Variants in GYG1 observed in about 807,000 individuals in gnomAD.
GYG1 encodes glycogenin-1.
A neutral mutation model predicts 41.9 loss-of-function variants in GYG1; 44 were observed. The observed-to-expected ratio is 1.05, with a 90% confidence interval of 0.83 to 1.35. The LOEUF is 1.35. Among genes scored for constraint, GYG1 ranks in the 40% most tolerant of loss-of-function variants. The pLI is 0.00. For missense variants in GYG1, 429 were observed against 418.9 expected (o/e 1.02, Z -0.21); for synonymous variants, 141 against 158.1 (o/e 0.89, Z 0.81).
rs1714995774 is a variant in GYG1, at chr3:149,031,115, AC to A, written c.*4185del. 1 of 152,188 alleles carries A rather than the reference AC, an allele frequency of 6.6e-6. No homozygotes were observed. The highest frequency in any genetic ancestry group is 2.4e-5 in the African/African-American group (1 of 41,432). 9.4% of individuals were successfully genotyped at this position (152,188 alleles called of 1,614,324 possible). On this transcript the variant is annotated 3_prime_UTR_variant, in exon 8 of 8. Coordinates refer to ENST00000345003, the MANE Select transcript of GYG1 (RefSeq NM_004130.4). Reference sequence around the variant, plus strand: ...TTGTTTTAAATATGCTCAGGAGTCAACCCAAATTCTGCAGCAAATAAGTTTG... The same window carrying A: ...TTGTTTTAAATATGCTCAGGAGTCAACCAAATTCTGCAGCAAATAAGTTTG...
chr3:149,016,523 G>C (rs1245968896), intron 5 of GYG1, among the ~76,000 whole-genome samples: 1 of 152,130 alleles, frequency 6.6e-6, no homozygotes, highest in East Asian at 1.9e-4. Flanking sequence ...TAATGTTGTT[G>C]ACTAGGTCCT....
intron 5 of GYG1, among the ~76,000 whole-genome samples, chr3:149,023,539 G>A (rs1390220891): frequency 1.2e-4 from 18 of 152,186 alleles, no homozygotes; most frequent in Admixed American, 1.2e-3. Flanking sequence ...TACTTTCCAA[G>A]TGGTGTGCCT....
chr3:149,017,534 T>C (rs1174068333), intron 5 of GYG1, among the ~76,000 whole-genome samples: 1 of 151,592 alleles, frequency 6.6e-6, no homozygotes, highest in Non-Finnish European at 1.5e-5. Flanking sequence ...CCCCTTCTTA[T>C]TCATTGGTGA....
At chr3:149,014,573 T>A (rs1036505887) in intron 5 of GYG1, among the ~76,000 whole-genome samples, 1 of 150,722 alleles carries the variant, frequency 6.6e-6, no homozygotes, top group African/African-American at 2.4e-5. Context: ...GGAGGGTGGA[T>A]CTCTTGAGCC....
intron 5 of GYG1, among the ~76,000 whole-genome samples, chr3:149,015,816 A>G (rs1458075816): frequency 2.0e-5 from 3 of 152,098 alleles, no homozygotes; most frequent in Non-Finnish European, 4.4e-5. Context: ...TTGTGTAAAG[A>G]TAGATGTCAC....
At chr3:149,025,096 C>CTT (rs1353473121) in intron 6 of GYG1, among the ~76,000 whole-genome samples, 1 of 152,184 alleles carries the variant, frequency 6.6e-6, no homozygotes, top group African/African-American at 2.4e-5. Flanking sequence ...GGGAGAAAAA[C>CTT]TAACACTTGC....
intron 4 of GYG1, chr3:149,008,386 C>T (rs1002282813): frequency 6.6e-6 from 1 of 152,544 alleles, no homozygotes; most frequent in Non-Finnish European, 1.5e-5. Context: ...CTCAGGCCAC[C>T]TTCCAGGCCT....
intron 6 of GYG1, 63 bp downstream of exon 6, chr3:149,024,335 A>G: frequency 1.0e-6 from 1 of 984,950 alleles, no homozygotes; most frequent in Middle Eastern, 2.1e-4. Flanking sequence ...TGTTGTATCA[A>G]TAGAGATGTG....
intron 5 of GYG1, 56 bp downstream of exon 5, chr3:149,009,458 G>A (rs1459345518): frequency 6.4e-7 from 1 of 1,558,790 alleles, no homozygotes; most frequent in Non-Finnish European, 8.8e-7. Context: ...GAATTGGGGT[G>A]TACAATTTTG....
chr3:149,011,079 C>T (rs1171707119), intron 5 of GYG1, among the ~76,000 whole-genome samples: 1 of 152,202 alleles, frequency 6.6e-6, no homozygotes, highest in Non-Finnish European at 1.5e-5. Context: ...ATGTCTCCAA[C>T]ATATTACATT....
chr3:149,005,646 G>A (rs1385447923), intron 4 of GYG1, among the ~76,000 whole-genome samples: 1 of 152,134 alleles, frequency 6.6e-6, no homozygotes, highest in African/African-American at 2.4e-5. Flanking sequence ...AAGGCATTCT[G>A]CTACATGTTA....
intron 4 of GYG1, among the ~76,000 whole-genome samples, chr3:149,004,552 G>A (rs1433409251): frequency 2.0e-5 from 3 of 152,148 alleles, no homozygotes; most frequent in Non-Finnish European, 4.4e-5. Flanking sequence ...GGGAAAAGGT[G>A]GTTAAGATTT....
intron 1 of GYG1, 139 bp from the exon 2 acceptor site, chr3:148,994,003 G>C: frequency 1.3e-6 from 1 of 774,296 alleles, no homozygotes; most frequent in Non-Finnish European, 2.2e-6. Flanking sequence ...TCTCCCCAAA[G>C]GGCTACAGCT....
intron 6 of GYG1, among the ~76,000 whole-genome samples, chr3:149,026,230 A>C (rs920121262): frequency 1.3e-5 from 2 of 152,226 alleles, no homozygotes; most frequent in African/African-American, 4.8e-5. Context: ...CAAGCAGAGA[A>C]GTTTGGTACC....
At chr3:149,026,734 A>G in intron 7 of GYG1, 26 bp from the exon 8 acceptor site, 1 of 1,471,904 alleles carries the variant, frequency 6.8e-7, no homozygotes, top group Non-Finnish European at 9.5e-7. Flanking sequence ...CAGCTCTCAT[A>G]GAGTCAATTA....
In GYG1 at chr3:149,026,977, G is replaced by A. The variant is rs1301395291; in HGVS notation, c.*44G>A. ...TGAACACATCCACTTCACAAGCCTTGTTTCTGATACTTAGTATCTAGAGCT... is the reference window on the plus strand; with the variant it reads ...TGAACACATCCACTTCACAAGCCTTATTTCTGATACTTAGTATCTAGAGCT... On this transcript the variant is annotated 3_prime_UTR_variant, in exon 8 of 8. Transcript: ENST00000345003. 1.2e-5 allele frequency: 19 copies of A among 1,596,156 alleles called. No individual in the cohort carries two copies. Among genetic ancestry groups the A allele is most frequent in the Non-Finnish European group, 1.5e-5 (18 of 1,163,678 alleles).
rs937910739 is a variant in GYG1 at position 149,028,568 on chromosome 3, C to G, written c.*1635C>G. Among the ~76,000 whole-genome samples the G allele has an allele frequency of 6.6e-6, 1 of 152,100 alleles. No individual in the cohort carries two copies. Among genetic ancestry groups the G allele is most frequent in the Admixed American group, 6.6e-5 (1 of 15,266 alleles). On this transcript the variant is annotated 3_prime_UTR_variant, in exon 8 of 8. Transcript: ENST00000345003. ...TTAAGATGAACAGAAACACAGTCTT[C>G]AGATATAAAATGTCTTATTTTTGTG...
chr3:148,999,342 T>A (rs1184869243), intron 4 of GYG1, among the ~76,000 whole-genome samples: 4 of 152,222 alleles, frequency 2.6e-5, no homozygotes, highest in African/African-American at 9.6e-5. Context: ...GAATCTTCTC[T>A]GTTAATAGAA....
intron 4 of GYG1, among the ~76,000 whole-genome samples, chr3:149,002,452 G>A (rs1713146007): frequency 6.6e-6 from 1 of 152,176 alleles, no homozygotes; most frequent in Non-Finnish European, 1.5e-5. Context: ...TAACAAAGTA[G>A]TGAAAAACAA....
Sources: gnomAD v4.1 joint callset for allele counts (sites outside exome capture counted in the v4.1 genomes callset) on GRCh38, gnomAD v4.1.1 for gene constraint, MANE v1.5 for transcripts, NCBI Gene and HGNC (gene_info 2026-07-23, HGNC 2026-07-21) for gene names.